Variants in PAK1 observed in about 807,000 individuals in gnomAD.
PAK1 encodes the protein serine/threonine-protein kinase PAK 1.
PAK1 carries 29 observed loss-of-function variants against 67.4 expected under a neutral mutation model. The observed-to-expected ratio is 0.43, with a 90% CI of 0.32 to 0.59. PAK1 has a LOEUF of 0.59. PAK1 is among the 20% of genes least tolerant of loss of function. The pLI is 0.07. For missense variants in PAK1, 337 were observed against 670.7 expected, an observed-to-expected ratio of 0.50 and a Z score of 5.50; for synonymous variants, 223 against 237.4, an observed-to-expected ratio of 0.94 and a Z score of 0.56.
At chr11:77,408,780 T>C (rs182425810) in intron 1 of PAK1, among the ~76,000 whole-genome samples, 3 of 151,986 alleles carry the variant, frequency 2.0e-5, no homozygotes, top group East Asian at 3.9e-4. Flanking sequence ...CTCAAACAAC[T>C]TAATAGCAAA....
At chr11:77,425,944 C>T (rs2138244046) in intron 1 of PAK1, among the ~76,000 whole-genome samples, 1 of 152,064 alleles carries the variant, frequency 6.6e-6, no homozygotes, top group African/African-American at 2.4e-5. Context: ...GGTGACAGAG[C>T]AAGACCCTGT....
At chr11:77,470,221 A>G (rs1250616232) in intron 1 of PAK1, among the ~76,000 whole-genome samples, 2 of 152,188 alleles carry the variant, frequency 1.3e-5, no homozygotes, top group African/African-American at 4.8e-5. Context: ...GTTTTCCCCA[A>G]CAAAGCCCAT....
chr11:77,505,309 T>C, the PAK1 span, among the ~76,000 whole-genome samples: 1 of 152,086 alleles, frequency 6.6e-6, no homozygotes, highest in African/African-American at 2.4e-5. Context: ...TGCCTCAGCC[T>C]CCTGAGTAGC....
At chr11:77,438,560 CTG>C (rs1348371471) in intron 1 of PAK1, among the ~76,000 whole-genome samples, 3 of 152,174 alleles carry the variant, frequency 2.0e-5, no homozygotes, top group Non-Finnish European at 4.4e-5. Context: ...AGACTGAAAT[CTG>C]TGTAATTTTA....
At chr11:77,411,587 G>A (rs1954539593) in intron 1 of PAK1, among the ~76,000 whole-genome samples, 1 of 152,096 alleles carries the variant, frequency 6.6e-6, no homozygotes, top group African/African-American at 2.4e-5. Context: ...TGCAGGCCTA[G>A]CCCTGGGTGG....
At chr11:77,401,511 C>T (rs930371155) in intron 1 of PAK1, among the ~76,000 whole-genome samples, 1 of 152,204 alleles carries the variant, frequency 6.6e-6, no homozygotes, top group Non-Finnish European at 1.5e-5. Context: ...AAGCACCTAG[C>T]ATGCTGCCTG....
intron 7 of PAK1, among the ~76,000 whole-genome samples, chr11:77,354,540 C>G (rs1752073333): frequency 6.6e-6 from 1 of 152,096 alleles, no homozygotes; most frequent in South Asian, 2.1e-4. Context: ...AGTCTTAATT[C>G]TAAGTCATAA....
chr11:77,337,032 T>C (rs1459938356), intron 12 of PAK1, among the ~76,000 whole-genome samples: 1 of 151,252 alleles, frequency 6.6e-6, no homozygotes, highest in Non-Finnish European at 1.5e-5. Flanking sequence ...ACGTTTTCCA[T>C]ACTAGATTGA....
the PAK1 span, among the ~76,000 whole-genome samples, chr11:77,486,294 A>G: frequency 6.6e-6 from 1 of 152,120 alleles, no homozygotes; most frequent in South Asian, 2.1e-4. Flanking sequence ...TGAGCAGCCT[A>G]GGAGTTCAAG....
chr11:77,342,810 A>G (rs1197024742), intron 10 of PAK1, among the ~76,000 whole-genome samples: 2 of 152,140 alleles, frequency 1.3e-5, no homozygotes, highest in African/African-American at 4.8e-5. Context: ...TAAGAGGTAA[A>G]GAAATTAGAG....
intron 1 of PAK1, among the ~76,000 whole-genome samples, chr11:77,413,977 A>G (rs1020354400): frequency 4.6e-5 from 7 of 152,214 alleles, no homozygotes; most frequent in African/African-American, 1.2e-4. Context: ...GCATCCTCTT[A>G]TAGATGGTCT....
At chr11:77,502,601 TGG>T in the PAK1 span, among the ~76,000 whole-genome samples, 1 of 152,208 alleles carries the variant, frequency 6.6e-6, no homozygotes, top group African/African-American at 2.4e-5. Flanking sequence ...CCCACATAGC[TGG>T]AAGAGACCTG....
At chr11:77,396,767 A>C (rs560293426) in intron 1 of PAK1, among the ~76,000 whole-genome samples, 11 of 151,824 alleles carry the variant, frequency 7.2e-5, no homozygotes, top group Non-Finnish European at 1.5e-4. Context: ...TTTCTTAATC[A>C]CTTCCTTCTG....
At chr11:77,360,855 G>A (rs1333164583) in intron 5 of PAK1, among the ~76,000 whole-genome samples, 1 of 152,146 alleles carries the variant, frequency 6.6e-6, no homozygotes, top group Non-Finnish European at 1.5e-5. Flanking sequence ...GAAGGCCACT[G>A]AATGGATTAA....
chr11:77,422,081 T>C (rs1955294967), intron 1 of PAK1, among the ~76,000 whole-genome samples: 1 of 152,128 alleles, frequency 6.6e-6, no homozygotes, highest in African/African-American at 2.4e-5. Context: ...CAAACACTTA[T>C]CCAATTTACT....
At chr11:77,328,575 CT>C (rs1940635515) in intron 14 of PAK1, among the ~76,000 whole-genome samples, 1 of 152,118 alleles carries the variant, frequency 6.6e-6, no homozygotes, top group Non-Finnish European at 1.5e-5. Context: ...TAAAGATGTT[CT>C]TTGAAACCAA....
At chr11:77,404,530 G>T (rs888406755) in intron 1 of PAK1, among the ~76,000 whole-genome samples, 13 of 152,096 alleles carry the variant, frequency 8.5e-5, no homozygotes, top group African/African-American at 3.1e-4. Flanking sequence ...GCCTCCCAAA[G>T]TGCTGGGATT....
At chr11:77,423,733 C>T (rs763380480) in intron 1 of PAK1, among the ~76,000 whole-genome samples, 10 of 152,188 alleles carry the variant, frequency 6.6e-5, no homozygotes, top group Non-Finnish European at 1.0e-4. Flanking sequence ...CAGGCCCTAT[C>T]ACCTCTGTCT....
At chr11:77,365,276 G>GAAAAAA (rs1565620718) in intron 5 of PAK1, among the ~76,000 whole-genome samples, 3 of 118,136 alleles carry the variant, frequency 2.5e-5, no homozygotes, top group Non-Finnish European at 3.6e-5. Flanking sequence ...AAAGAAAAAA[G>GAAAAAA]AAAAAAGAAA....
Sources: allele counts gnomAD v4.1 joint callset (sites outside exome capture counted in the v4.1 genomes callset), GRCh38; gene constraint gnomAD v4.1.1; transcripts MANE v1.5; gene names NCBI Gene and HGNC (gene_info 2026-07-23, HGNC 2026-07-21).